The following PPP1R9A variants were observed in gnomAD, a reference collection of about 807,000 sequenced individuals.
PPP1R9A encodes the protein protein phosphatase 1 regulatory subunit 9A.
A neutral mutation model predicts 141.9 loss-of-function variants in PPP1R9A; 59 were observed. The ratio of observed to expected loss-of-function variants is 0.42; its 90% CI spans 0.34 to 0.52. The LOEUF is 0.52. PPP1R9A is among the 20% of genes least tolerant of loss of function. PPP1R9A has a pLI of 0.10. For synonymous variants in PPP1R9A, 500 were observed against 569.7 expected (o/e 0.88, Z 1.74); for missense variants, 1,444 against 1,611.9 (o/e 0.90, Z 1.78).
chr7:94,960,585 G>T (rs973051985), intron 2 of PPP1R9A, among the ~76,000 whole-genome samples: 4 of 151,630 alleles, frequency 2.6e-5, no homozygotes, highest in Non-Finnish European at 5.9e-5. Context: ...GTTTTGCATA[G>T]ACTATTTAAT....
At chr7:95,281,262 A>T (rs1804175070) in intron 16 of PPP1R9A, among the ~76,000 whole-genome samples, 1 of 152,196 alleles carries the variant, frequency 6.6e-6, no homozygotes, top group Non-Finnish European at 1.5e-5. Flanking sequence ...CTCATGGGAA[A>T]CTGAAAAATA....
At chr7:94,995,794 C>T (rs1335734211) in intron 2 of PPP1R9A, among the ~76,000 whole-genome samples, 2 of 151,990 alleles carry the variant, frequency 1.3e-5, no homozygotes, top group African/African-American at 4.8e-5. Flanking sequence ...ATTGATTTTT[C>T]TCAGCATTAT....
chr7:95,043,669 T>G (rs1584414652), intron 2 of PPP1R9A, among the ~76,000 whole-genome samples: 1 of 152,342 alleles, frequency 6.6e-6, no homozygotes, highest in East Asian at 1.9e-4. Context: ...TCTTACAACA[T>G]ATTTTCATAC....
chr7:95,122,993 A>C (rs1822908147), intron 4 of PPP1R9A, among the ~76,000 whole-genome samples: 1 of 152,122 alleles, frequency 6.6e-6, no homozygotes, highest in South Asian at 2.1e-4. Context: ...GTACAACTTG[A>C]TTAAAAGAAG....
chr7:95,271,452 T>G (rs1038257512), intron 14 of PPP1R9A, among the ~76,000 whole-genome samples: 1 of 152,184 alleles, frequency 6.6e-6, no homozygotes, highest in Non-Finnish European at 1.5e-5. Context: ...ATCATGGGCT[T>G]CACGCCTCAG....
rs116177343 is a variant in PPP1R9A, at chr7:95,069,749, G to A, written c.1396-41510G>A. 5.7e-3 allele frequency among the ~76,000 whole-genome samples: 865 copies of A among 152,138 alleles called. 9 individuals carry two copies. The highest frequency in any genetic ancestry group is 0.02 in the African/African-American group (824 of 41,516). On this transcript the variant is annotated intron_variant, in intron 2 of 19. Coordinates refer to ENST00000433360, the MANE Select transcript of PPP1R9A (RefSeq NM_001166160.2). ...AAGCCCTTTATGTTTCTAAGGACTTGTTTTTCTTTTTCATGAGAATGTTCT... is the reference window on the plus strand; with the variant it reads ...AAGCCCTTTATGTTTCTAAGGACTTATTTTTCTTTTTCATGAGAATGTTCT...
At chr7:94,927,046 A>T (rs1423912699) in intron 2 of PPP1R9A, among the ~76,000 whole-genome samples, 1 of 152,168 alleles carries the variant, frequency 6.6e-6, no homozygotes, top group Non-Finnish European at 1.5e-5. Context: ...TGTTCATGCA[A>T]ATTTGTTTAT....
chr7:95,162,460 CT>C (rs1364461922), intron 5 of PPP1R9A, among the ~76,000 whole-genome samples: 1 of 152,106 alleles, frequency 6.6e-6, no homozygotes, highest in Non-Finnish European at 1.5e-5. Flanking sequence ...ACTTAATGCA[CT>C]TAGGGTGCAT....
intron 5 of PPP1R9A, among the ~76,000 whole-genome samples, chr7:95,194,847 G>A (rs1836010525): frequency 6.6e-6 from 1 of 151,974 alleles, no homozygotes; most frequent in African/African-American, 2.4e-5. Flanking sequence ...GATACACCAT[G>A]TTCAGGGATC....
intron 5 of PPP1R9A, among the ~76,000 whole-genome samples, chr7:95,189,735 C>T (rs371458975): frequency 3.3e-5 from 5 of 152,046 alleles, no homozygotes; most frequent in East Asian, 3.9e-4. Context: ...CGCGCCCGGC[C>T]GGGTTTGTTT....
At chr7:95,149,679 G>C (rs1485917133) in intron 4 of PPP1R9A, among the ~76,000 whole-genome samples, 1 of 151,162 alleles carries the variant, frequency 6.6e-6, no homozygotes, top group Non-Finnish European at 1.5e-5. Flanking sequence ...AAAATCTGAA[G>C]TCTGTATGAG....
chr7:95,006,153 C>T (rs1042423742), intron 2 of PPP1R9A, among the ~76,000 whole-genome samples: 5 of 151,876 alleles, frequency 3.3e-5, no homozygotes, highest in East Asian at 1.9e-4. Flanking sequence ...CTTCAATTTG[C>T]ACCTTTCATA....
rs777079003 is a variant in PPP1R9A at position 95,288,553 on chromosome 7, G to A, written c.3747G>A (p.Gln1249=). 3.7e-6 allele frequency: 6 copies of A among 1,613,920 alleles called. No homozygotes were observed. Among genetic ancestry groups the A allele is most frequent in the Non-Finnish European group, 3.4e-6 (4 of 1,179,950 alleles). ...LSSDEILDDG[Q]SPKHSQCQNR... is the part of the protein sequence containing the mutation. Reference sequence around the variant, plus strand: ...TATCTTAGATCCTTGATGATGGACAGTCTCCCAAACACAGTCAGTGTCAGA... The same window carrying A: ...TATCTTAGATCCTTGATGATGGACAATCTCCCAAACACAGTCAGTGTCAGA... Residue 1249 remains glutamine, a synonymous_variant, in exon 19 of 20, where the codon CAG becomes CAA. Coordinates refer to ENST00000433360, the MANE Select transcript of PPP1R9A (RefSeq NM_001166160.2).
At chr7:95,237,002 T>C (rs1454838806) in intron 8 of PPP1R9A, among the ~76,000 whole-genome samples, 2 of 151,694 alleles carry the variant, frequency 1.3e-5, no homozygotes, top group Non-Finnish European at 2.9e-5. Context: ...TTTATTGCAC[T>C]CTGATCAGAA....
At chr7:95,163,720 T>G (rs1349171170) in intron 5 of PPP1R9A, among the ~76,000 whole-genome samples, 1 of 151,918 alleles carries the variant, frequency 6.6e-6, no homozygotes, top group African/African-American at 2.4e-5. Flanking sequence ...GCAGGGGTTT[T>G]TTTTGTTTTG....
At chr7:95,140,588 G>T (rs1415380615) in intron 4 of PPP1R9A, among the ~76,000 whole-genome samples, 1 of 152,062 alleles carries the variant, frequency 6.6e-6, no homozygotes, top group Non-Finnish European at 1.5e-5. Context: ...ACGGGGTTTT[G>T]CCATGTTGGC....
At chr7:95,018,267 C>A in intron 2 of PPP1R9A, 1 of 230,824 alleles carries the variant, frequency 4.3e-6, no homozygotes, top group South Asian at 8.0e-5. Flanking sequence ...ATTCAGTAAC[C>A]CTTACTCAGG....
At chr7:95,140,035 G>A (rs578144839) in intron 4 of PPP1R9A, among the ~76,000 whole-genome samples, 2 of 152,136 alleles carry the variant, frequency 1.3e-5, no homozygotes, top group Non-Finnish European at 2.9e-5. Flanking sequence ...GGCTATACTG[G>A]AAGAAAATAA....
intron 4 of PPP1R9A, among the ~76,000 whole-genome samples, chr7:95,136,141 A>G (rs1172423258): frequency 3.3e-5 from 5 of 152,222 alleles, no homozygotes; most frequent in Non-Finnish European, 7.4e-5. Context: ...TGTTAATTCC[A>G]TAGCATTCTA....
Sources: gnomAD v4.1 joint callset for allele counts (sites outside exome capture counted in the v4.1 genomes callset) on GRCh38, gnomAD v4.1.1 for gene constraint, MANE v1.5 for transcripts, NCBI Gene and HGNC (gene_info 2026-07-23, HGNC 2026-07-21) for gene names.